XPO1: variants seen among roughly 807,000 people sequenced by gnomAD.
XPO1 encodes exportin 1, also known as exportin-1.
In XPO1, 5 loss-of-function variants were observed where a neutral mutation model predicts 133.3. The ratio of observed to expected loss-of-function variants is 0.04; its 90% CI spans 0.02 to 0.08. The LOEUF (loss-of-function observed/expected upper bound fraction) is 0.08, where lower values mean the gene tolerates loss of function less well. XPO1 is among the 10% of genes least tolerant of loss of function. XPO1 has a pLI of 1.00. For synonymous variants in XPO1, 419 were observed against 408.2 expected, an observed-to-expected ratio of 1.03 and a Z score of -0.32; for missense variants, 506 against 1,267.5, an observed-to-expected ratio of 0.40 and a Z score of 9.12.
At chr2:61,509,586 G>T (rs368187477) in intron 4 of XPO1, among the ~76,000 whole-genome samples, 1 of 151,726 alleles carries the variant, frequency 6.6e-6, no homozygotes, top group Non-Finnish European at 1.5e-5. Context: ...AGATCATGCC[G>T]TCGCACTCCA....
chr2:61,481,332 C>CA (rs986639965), intron 23 of XPO1, 51 bp from the exon 24 acceptor site: 2 of 1,420,554 alleles, frequency 1.4e-6, no homozygotes, highest in Non-Finnish European at 1.9e-6. Flanking sequence ...TCCCCCGAGA[C>CA]AGAGTATTGC....
chr2:61,504,199 T>G (rs772067050), intron 4 of XPO1, among the ~76,000 whole-genome samples: 14 of 152,248 alleles, frequency 9.2e-5, no homozygotes, highest in Non-Finnish European at 1.6e-4. Context: ...TCTTTACTTA[T>G]GGATCTCTTC....
At chr2:61,506,551 A>G (rs1442288933) in intron 4 of XPO1, among the ~76,000 whole-genome samples, 5 of 145,528 alleles carry the variant, frequency 3.4e-5, no homozygotes, top group Non-Finnish European at 7.4e-5. Context: ...CTGAGCCAAG[A>G]TCGTGCCACT....
chr2:61,523,671 C>T (rs1448449602), intron 3 of XPO1, among the ~76,000 whole-genome samples: 1 of 152,138 alleles, frequency 6.6e-6, no homozygotes, highest in Admixed American at 6.5e-5. Context: ...AATAAGAGTT[C>T]ATCTTTAAAA....
intron 4 of XPO1, among the ~76,000 whole-genome samples, chr2:61,506,482 C>T (rs1697820013): frequency 6.6e-6 from 1 of 151,054 alleles, no homozygotes; most frequent in African/African-American, 2.4e-5. Flanking sequence ...GCCTGTAATC[C>T]CAGCTACCTG....
chr2:61,488,390 A>G, intron 18 of XPO1, 119 bp from the exon 19 acceptor site: 6 of 1,231,398 alleles, frequency 4.9e-6, no homozygotes, highest in Non-Finnish European at 6.9e-6. Context: ...AAAGTTCACA[A>G]AATTTATTGG....
intron 1 of XPO1, 85 bp from the exon 2 acceptor site, chr2:61,533,988 T>C (rs1443497863): frequency 3.4e-5 from 42 of 1,235,866 alleles, no homozygotes; most frequent in Non-Finnish European, 4.3e-5. Flanking sequence ...ACTTCAACCA[T>C]GTTATTACAA....
rs781035998 is a variant in XPO1, at chr2:61,502,273, C to T, written c.339G>A (p.Thr113=). Residue 113 remains threonine, a synonymous_variant, in exon 5 of 25, where the codon ACG becomes ACA. Transcript: ENST00000401558. The part of the protein sequence containing the change: ...KKYVVGLIIK[T]SSDPTCVEKE... ...CCTCTACACAAGTTGGGTCAGATGA[C>T]GTCTTGATAATGAGGCCAACAACGT... 48 of 1,613,156 alleles carry T rather than the reference C, an allele frequency of 3.0e-5. 1 individual carries two copies. In the South Asian group the frequency reaches 5.0e-4, roughly 17 times the overall value.
At chr2:61,510,735 A>G (rs1295767768) in intron 4 of XPO1, among the ~76,000 whole-genome samples, 2 of 152,080 alleles carry the variant, frequency 1.3e-5, no homozygotes, top group African/African-American at 2.4e-5. Flanking sequence ...CCAGGAGTTC[A>G]GGACCAGCCT....
At chr2:61,494,783 T>TATACTTATGTTTATATATATATATAC (rs1697160227) in intron 11 of XPO1, 1 of 149,162 alleles carries the variant, frequency 6.7e-6, no homozygotes, top group Non-Finnish European at 1.5e-5. Flanking sequence ...TATATATATA[T>TATACTTATGTTTATATATATATATAC]ATACTTATGT....
At chr2:61,483,840 C>A in intron 21 of XPO1, 97 bp downstream of exon 21, 1 of 1,398,830 alleles carries the variant, frequency 7.1e-7, no homozygotes, top group East Asian at 2.4e-5. Flanking sequence ...TTCACACACT[C>A]AAAACTCTGA....
chr2:61,497,601 T>A (rs1697303932), intron 9 of XPO1, among the ~76,000 whole-genome samples: 2 of 152,222 alleles, frequency 1.3e-5, no homozygotes, highest in African/African-American at 4.8e-5. Flanking sequence ...AATGTTATAC[T>A]TTCTGTGTAA....
intron 24 of XPO1, among the ~76,000 whole-genome samples, chr2:61,480,053 T>C (rs1170273216): frequency 6.6e-6 from 1 of 151,110 alleles, no homozygotes; most frequent in Admixed American, 6.6e-5. Context: ...TTAGTAGAGA[T>C]GAGGTTTCAC....
At chr2:61,523,331 C>T (rs1375699614) in intron 3 of XPO1, among the ~76,000 whole-genome samples, 1 of 152,164 alleles carries the variant, frequency 6.6e-6, no homozygotes, top group Non-Finnish European at 1.5e-5. Context: ...TCTGTATCTA[C>T]CTTTCAGGTA....
At chr2:61,501,607 C>T (rs1697523508) in intron 6 of XPO1, among the ~76,000 whole-genome samples, 1 of 151,362 alleles carries the variant, frequency 6.6e-6, no homozygotes, top group South Asian at 2.1e-4. Context: ...CCCGTAATTC[C>T]AGCCACTCAG....
At chr2:61,497,219 C>G (rs1051979132) in intron 9 of XPO1, among the ~76,000 whole-genome samples, 5 of 151,984 alleles carry the variant, frequency 3.3e-5, no homozygotes, top group Admixed American at 2.6e-4. Flanking sequence ...TAGGAGCAAA[C>G]TTTTTTTGTT....
Position 61,478,776 on chromosome 2 carries a change from C to T in XPO1, c.*44G>A. The T allele has an allele frequency of 6.9e-6, 11 of 1,600,698 alleles. No homozygotes were observed. The highest frequency in any genetic ancestry group is 2.2e-5 in the East Asian group (1 of 44,562). On this transcript the variant is annotated 3_prime_UTR_variant, in exon 25 of 25. Coordinates refer to ENST00000401558, the MANE Select transcript of XPO1 (RefSeq NM_003400.4). ...ACAAATACCCACATGCTGTTTTCCT[C>T]TGCTAACGAGTTGCAGAGAAAAAAA...
chr2:61,525,219 C>T, intron 3 of XPO1: 5 of 976,414 alleles, frequency 5.1e-6, no homozygotes, highest in Non-Finnish European at 6.1e-6. Context: ...GCCCATGAAA[C>T]AAAAACAATT....
At chr2:61,489,861 A>G (rs1443736798) in intron 17 of XPO1, among the ~76,000 whole-genome samples, 2 of 146,618 alleles carry the variant, frequency 1.4e-5, no homozygotes, top group African/African-American at 5.1e-5. Flanking sequence ...GCCTATTCCT[A>G]TTTTAATATC....
Sources: allele counts gnomAD v4.1 joint callset (sites outside exome capture counted in the v4.1 genomes callset), GRCh38; gene constraint gnomAD v4.1.1; transcripts MANE v1.5; gene names NCBI Gene and HGNC (gene_info 2026-07-23, HGNC 2026-07-21).